CDC16: variants seen among roughly 807,000 people sequenced by gnomAD.
The protein encoded by CDC16 is cell division cycle 16.
In CDC16, 34 loss-of-function variants were observed where a neutral mutation model predicts 87.0. The ratio of observed to expected loss-of-function variants is 0.39; its 90% CI spans 0.30 to 0.52. The LOEUF is 0.52. Ranked by LOEUF, CDC16 falls within the 20% of genes least tolerant of loss-of-function variation. The pLI is 0.74. For synonymous variants in CDC16, 263 were observed against 260.6 expected (o/e 1.01, Z -0.09); for missense variants, 653 against 751.9 (o/e 0.87, Z 1.54).
chr13:114,238,152 C>T (rs896174872), intron 3 of CDC16, among the ~76,000 whole-genome samples: 3 of 149,584 alleles, frequency 2.0e-5, no homozygotes, highest in African/African-American at 7.4e-5. Flanking sequence ...ACACTCAGTG[C>T]CTGAAGTGGA....
At chr13:114,241,538 T>C (rs2081550769) in intron 5 of CDC16, among the ~76,000 whole-genome samples, 1 of 152,374 alleles carries the variant, frequency 6.6e-6, no homozygotes, top group Admixed American at 6.5e-5. Context: ...TGCACTGTTT[T>C]GGACAAAACA....
At chr13:114,258,574 A>G (rs896356829) in intron 13 of CDC16, among the ~76,000 whole-genome samples, 12 of 152,236 alleles carry the variant, frequency 7.9e-5, no homozygotes, top group Non-Finnish European at 1.5e-4. Flanking sequence ...GAGAAGCTTC[A>G]TTCAAGCAGG....
At position 114,236,684 on chromosome 13, in the gene CDC16, G is replaced by C; in HGVS notation, c.88G>C (p.Ala30Pro). 6.2e-7 allele frequency: 1 copy of C among 1,613,030 alleles called. No individual in the cohort carries two copies. Among genetic ancestry groups the C allele is most frequent in the Non-Finnish European group, 8.5e-7 (1 of 1,179,880 alleles). Residue 30 changes from alanine (A) to proline (P), a missense_variant, in exon 2 of 18, where the codon GCT becomes CCT. By Grantham distance (27) the Ala-to-Pro change is conservative. Transcript: ENST00000356221. ...QSALFWADKV[A>P]SLSREEPQDI... is the part of the protein sequence containing the mutation. ...TGCTCTATTTTGGGCAGATAAAGTAGCTTCACTCTCTCGTGGTAAGTGACA... is the reference window on the plus strand; with the variant it reads ...TGCTCTATTTTGGGCAGATAAAGTACCTTCACTCTCTCGTGGTAAGTGACA...
chr13:114,245,706 A>G, intron 9 of CDC16: 1 of 294,710 alleles, frequency 3.4e-6, no homozygotes, highest in South Asian at 6.7e-5. Flanking sequence ...ATGGTCCATA[A>G]TGGGCCCTTG....
At chr13:114,266,764 G>C (rs2083245769) in intron 17 of CDC16, among the ~76,000 whole-genome samples, 1 of 151,314 alleles carries the variant, frequency 6.6e-6, no homozygotes, top group Non-Finnish European at 1.5e-5. Flanking sequence ...CAGGATCTCT[G>C]CTCACTGCAA....
chr13:114,272,555 T>G lies in CDC16; in HGVS notation c.*112T>G. On this transcript the variant is annotated 3_prime_UTR_variant, in exon 18 of 18. Coordinates refer to ENST00000356221, the MANE Select transcript of CDC16 (RefSeq NM_001078645.3). The stretch of plus-strand genomic sequence containing the variant: ...CTAACGTGACTCCAAACTGCATCTC[T>G]ACATTTAGGAACAGAGACCCGCCTT... 68 of 884,654 alleles carry G rather than the reference T, an allele frequency of 7.7e-5. No individual in the cohort carries two copies. Among genetic ancestry groups the G allele is most frequent in the Non-Finnish European group, 1.1e-4 (63 of 584,002 alleles). The allele number at this position is 884,654 out of a possible 1,614,324, so 54.8% of individuals were successfully genotyped here.
intron 5 of CDC16, among the ~76,000 whole-genome samples, chr13:114,241,015 T>C (rs2081523142): frequency 6.6e-6 from 1 of 152,264 alleles, no homozygotes; most frequent in Non-Finnish European, 1.5e-5. Context: ...AAATTTTACT[T>C]TATGAATCTT....
At position 114,251,840 on chromosome 13, in the gene CDC16, G is replaced by A. The variant is rs17338110; in HGVS notation, c.1097+1166G>A. On this transcript the variant is annotated intron_variant, in intron 12 of 17. Coordinates refer to ENST00000356221, the MANE Select transcript of CDC16 (RefSeq NM_001078645.3). ...TCCTCACATGGCAGAGAGAGCTCTG[G>A]TGTCTCTTCCTCTTGTAAAAACACT... is the stretch of plus-strand genomic sequence containing the variant. Among the ~76,000 whole-genome samples, 919 of 152,290 alleles carry A rather than the reference G, an allele frequency of 6.0e-3. 12 individuals are homozygous for A. Among genetic ancestry groups the A allele is most frequent in the African/African-American group, 0.021 (879 of 41,542 alleles).
intron 11 of CDC16, 81 bp downstream of exon 11, chr13:114,247,085 G>T: frequency 1.2e-6 from 1 of 814,110 alleles, no homozygotes; most frequent in Non-Finnish European, 2.1e-6. Flanking sequence ...TAATTAGTGA[G>T]TACTTTAAAA....
In CDC16 at chr13:114,272,265, C is replaced by T. The variant is rs1272008863; in HGVS notation, c.1685C>T (p.Pro562Leu). The change falls in exon 18 of 18, where the codon CCG (proline) becomes CTG (leucine). Residue 562 changes from proline (P) to leucine (L), a missense_variant. Coordinates refer to ENST00000356221, the MANE Select transcript of CDC16 (RefSeq NM_001078645.3). ...ACACTAAAAAACATTATTTCACCTCCGTGGGATTTCAGGGAATTTGAAGTA... is the reference window on the plus strand; with the variant it reads ...ACACTAAAAAACATTATTTCACCTCTGTGGGATTTCAGGGAATTTGAAGTA... ...MKTLKNIISP[P>L]WDFREFEVEK... is the part of the protein sequence containing the mutation. 2.5e-6 allele frequency: 4 copies of T among 1,613,486 alleles called. No individual in the cohort carries two copies. The highest frequency in any genetic ancestry group is 2.2e-5 in the South Asian group (2 of 91,058).
At chr13:114,247,047 G>C (rs760274191) in intron 11 of CDC16, 43 bp downstream of exon 11, 1 of 1,239,648 alleles carries the variant, frequency 8.1e-7, no homozygotes, top group African/African-American at 1.5e-5. Flanking sequence ...CTGTAGAATT[G>C]ATGTCTTGCT....
chr13:114,257,260 GTTAAC>G (rs2082555044), intron 13 of CDC16, 30 bp downstream of exon 13: 5 of 1,392,238 alleles, frequency 3.6e-6, no homozygotes, highest in African/African-American at 1.5e-5. Flanking sequence ...AAACCCTTCT[GTTAAC>G]TAGTGATTGT....
chr13:114,247,126 TCTTC>T, intron 11 of CDC16, 122 bp downstream of exon 11: 1 of 640,286 alleles, frequency 1.6e-6, no homozygotes, highest in Non-Finnish European at 2.7e-6. Flanking sequence ...TTTTTTTTTT[TCTTC>T]CTTTCTTTTC....
intron 11 of CDC16, among the ~76,000 whole-genome samples, chr13:114,247,953 T>C (rs2081962034): frequency 1.3e-5 from 1 of 74,494 alleles, no homozygotes; most frequent in Non-Finnish European, 2.5e-5. Context: ...AAAGTTTCTC[T>C]CTTTCGCTTA....
chr13:114,236,957 C>T lies in CDC16; in HGVS notation c.201+61C>T, dbSNP rs17337779. 5,946 of 1,129,264 alleles carry T rather than the reference C, an allele frequency of 5.3e-3. 238 individuals are homozygous for T. The African/African-American group carries it at 0.086, about 16-fold the overall frequency. The allele number at this position is 1,129,264 out of a possible 1,614,324, so 70.0% of individuals were successfully genotyped here. A position where few individuals can be genotyped will look rare whatever the true frequency, so the allele number is the denominator to read the frequency against. On this transcript the variant is annotated intron_variant, in intron 3 of 17. Coordinates refer to ENST00000356221, the MANE Select transcript of CDC16 (RefSeq NM_001078645.3). The stretch of plus-strand genomic sequence containing the variant: ...CTTTAAAAAAAATGTCATTAGTGGC[C>T]GGGCGCGGTGGCTTACACCTGTAAT...
chr13:114,243,997 TATCC>T lies in CDC16; in HGVS notation c.767+15_767+18del. 1 of 1,598,624 alleles carries T rather than the reference TATCC, an allele frequency of 6.3e-7. No individual in the cohort carries two copies. Among genetic ancestry groups the T allele is most frequent in the African/African-American group, 1.3e-5 (1 of 74,744 alleles). The stretch of plus-strand genomic sequence containing the variant: ...CTACAAGCTTACTTCTGTGTAAGTA[TATCC>T]ATCCATTTTTCTGTAGGAACATGGA... On this transcript the variant is annotated intron_variant, in intron 8 of 17. Coordinates refer to ENST00000356221, the MANE Select transcript of CDC16 (RefSeq NM_001078645.3).
At chr13:114,270,944 C>G (rs578228326) in intron 17 of CDC16, among the ~76,000 whole-genome samples, 187 of 110,622 alleles carry the variant, frequency 1.7e-3, no homozygotes, top group Middle Eastern at 8.3e-3. Flanking sequence ...TTTTTTGAGA[C>G]ACAGTCTCTC....
intron 17 of CDC16, among the ~76,000 whole-genome samples, chr13:114,270,304 C>T (rs941494270): frequency 1.3e-5 from 2 of 152,094 alleles, no homozygotes; most frequent in African/African-American, 4.8e-5. Flanking sequence ...GGAGGTGCTA[C>T]ATACTTTAAA....
chr13:114,272,436 G>T lies in CDC16; in HGVS notation c.1856G>T (p.Ser619Ile). 1 of 1,613,594 alleles carries T rather than the reference G, an allele frequency of 6.2e-7. No homozygotes were observed. The highest frequency in any genetic ancestry group is 8.5e-7 in the Non-Finnish European group (1 of 1,179,590). ...MMLETSMSDHST is the reference protein window; with the variant it reads ...MMLETSMSDHIT ...TTAGAGACATCTATGTCAGACCACA[G>T]CACGTGACTCCAGTCAGTGGTCCTG... The change falls in exon 18 of 18, where the codon AGC (serine) becomes ATC (isoleucine). Residue 619 changes from serine to isoleucine, a missense_variant. Coordinates refer to ENST00000356221, the MANE Select transcript of CDC16 (RefSeq NM_001078645.3).
Sources: allele counts gnomAD v4.1 joint callset (sites outside exome capture counted in the v4.1 genomes callset), GRCh38; gene constraint gnomAD v4.1.1; transcripts MANE v1.5; gene names NCBI Gene and HGNC (gene_info 2026-07-23, HGNC 2026-07-21).